LYN: variants seen among roughly 807,000 people sequenced by gnomAD.
The protein encoded by LYN is LYN proto-oncogene, Src family tyrosine kinase, also known as tyrosine-protein kinase Lyn.
In LYN, 12 loss-of-function variants were observed where a neutral mutation model predicts 65.0. That is an observed-to-expected ratio of 0.18 (90% CI 0.12 to 0.30). The LOEUF (loss-of-function observed/expected upper bound fraction) is 0.30, where lower values mean the gene tolerates loss of function less well. LYN is among the 10% of genes least tolerant of loss of function. The pLI is 1.00. For synonymous variants in LYN, 222 were observed against 221.2 expected (o/e 1.00, Z -0.03); for missense variants, 380 against 623.2 (o/e 0.61, Z 4.16).
intron 1 of LYN, among the ~76,000 whole-genome samples, chr8:55,937,581 G>T (rs1318304431): frequency 6.6e-6 from 1 of 152,168 alleles, no homozygotes; most frequent in Non-Finnish European, 1.5e-5. Flanking sequence ...ATTTCAAGAA[G>T]TGGAATTCCA....
intron 1 of LYN, among the ~76,000 whole-genome samples, chr8:55,939,363 G>A (rs1214706583): frequency 1.3e-5 from 2 of 152,134 alleles, no homozygotes; most frequent in Admixed American, 6.5e-5. Context: ...AAGAAATTAA[G>A]CATAAATAAA....
At chr8:55,941,295 T>TC (rs1221885006) in intron 1 of LYN, among the ~76,000 whole-genome samples, 1 of 152,162 alleles carries the variant, frequency 6.6e-6, no homozygotes, top group East Asian at 1.9e-4. Context: ...CTCCTGACCT[T>TC]CCCTACCTGC....
At chr8:55,997,590 C>T (rs555000842) in intron 10 of LYN, among the ~76,000 whole-genome samples, 1 of 152,270 alleles carries the variant, frequency 6.6e-6, no homozygotes, top group Admixed American at 6.5e-5. Context: ...TAATCACCTG[C>T]CAAGGCCCTG....
At chr8:55,981,085 A>T (rs776381414) in intron 10 of LYN, among the ~76,000 whole-genome samples, 4 of 151,798 alleles carry the variant, frequency 2.6e-5, no homozygotes, top group African/African-American at 4.8e-5. Flanking sequence ...CATGTGACTG[A>T]TTCCTCAGCA....
intron 1 of LYN, among the ~76,000 whole-genome samples, chr8:55,934,802 C>T (rs1256925522): frequency 1.3e-5 from 2 of 152,222 alleles, no homozygotes; most frequent in Non-Finnish European, 2.9e-5. Flanking sequence ...CCAATTGACC[C>T]TCAATAGTCA....
At chr8:55,952,630 T>C (rs1323237977) in intron 7 of LYN, among the ~76,000 whole-genome samples, 2 of 152,208 alleles carry the variant, frequency 1.3e-5, no homozygotes, top group African/African-American at 4.8e-5. Flanking sequence ...ATTTGATCCT[T>C]GTGAATAATT....
intron 8 of LYN, among the ~76,000 whole-genome samples, chr8:55,955,681 T>G (rs10104302): frequency 0.24 from 36,526 of 152,094 alleles, 4,496 homozygotes; most frequent in Middle Eastern, 0.31. Context: ...CAATCACTCT[T>G]CATTCGCCCC....
intron 10 of LYN, among the ~76,000 whole-genome samples, chr8:55,978,084 G>A (rs1310405312): frequency 6.6e-6 from 1 of 152,158 alleles, no homozygotes; most frequent in East Asian, 1.9e-4. Context: ...CCCAAGTCTG[G>A]AGATACTTAA....
At chr8:55,964,200 T>A (rs1807377346) in intron 8 of LYN, among the ~76,000 whole-genome samples, 1 of 152,146 alleles carries the variant, frequency 6.6e-6, no homozygotes, top group Non-Finnish European at 1.5e-5. Flanking sequence ...CTAACACTTA[T>A]CTTGTACTGC....
chr8:55,901,361 T>G (rs1301549534), intron 1 of LYN, among the ~76,000 whole-genome samples: 2 of 152,226 alleles, frequency 1.3e-5, no homozygotes, highest in African/African-American at 4.8e-5. Context: ...TCTTGTCTGA[T>G]GAAGTCAGTG....
rs1229690346 is a variant in LYN, at chr8:56,013,652, A to G, written c.*3542A>G. On this transcript the variant is annotated 3_prime_UTR_variant, in exon 13 of 13. Coordinates refer to ENST00000519728, the MANE Select transcript of LYN (RefSeq NM_002350.4). ...GCTGCTAAAAGGACTCAATTCTGCA[A>G]CCTCAGCTTCTGACACCTTCAAATA... is the stretch of plus-strand genomic sequence containing the variant. 1 of 152,148 alleles carries G rather than the reference A, an allele frequency of 6.6e-6. No individual in the cohort carries two copies. Among genetic ancestry groups the G allele is most frequent in the Non-Finnish European group, 1.5e-5 (1 of 68,056 alleles). 9.4% of individuals were successfully genotyped at this position (152,148 alleles called of 1,614,324 possible). A position where few individuals can be genotyped will look rare whatever the true frequency, so the allele number is the denominator to read the frequency against.
At chr8:55,919,938 G>A (rs542814977) in intron 1 of LYN, among the ~76,000 whole-genome samples, 4 of 152,230 alleles carry the variant, frequency 2.6e-5, no homozygotes, top group South Asian at 2.1e-4. Context: ...GCTTTGTCAC[G>A]TGACCCCACT....
At chr8:55,893,604 G>T (rs1351929565) in intron 1 of LYN, 9 of 152,166 alleles carry the variant, frequency 5.9e-5, no homozygotes, top group Non-Finnish European at 1.3e-4. Context: ...AATCCATGAA[G>T]TCATGCTTCA....
intron 10 of LYN, among the ~76,000 whole-genome samples, chr8:55,982,037 G>A (rs569388711): frequency 4.6e-5 from 7 of 152,200 alleles, no homozygotes; most frequent in Non-Finnish European, 8.8e-5. Flanking sequence ...CTCCCTGGGC[G>A]CTGAACAGAG....
chr8:55,921,306 T>TAA (rs1377565507), intron 1 of LYN, among the ~76,000 whole-genome samples: 4 of 152,210 alleles, frequency 2.6e-5, no homozygotes, highest in Non-Finnish European at 1.5e-5. Context: ...CCACTGTGTA[T>TAA]GTTTTATTGA....
intron 4 of LYN, 32 bp downstream of exon 4, chr8:55,947,755 GT>G (rs869203813): frequency 1.2e-5 from 18 of 1,445,018 alleles, no homozygotes; most frequent in Non-Finnish European, 1.7e-5. Context: ...ACGGCTGCTC[GT>G]TTCCTCAGGC....
intron 10 of LYN, among the ~76,000 whole-genome samples, chr8:55,994,557 C>T (rs913407020): frequency 3.9e-5 from 6 of 152,142 alleles, no homozygotes; most frequent in African/African-American, 1.2e-4. Flanking sequence ...TTGATCATCA[C>T]GTGTGTCCTT....
At chr8:55,908,396 C>T (rs1337604706) in intron 1 of LYN, among the ~76,000 whole-genome samples, 1 of 151,854 alleles carries the variant, frequency 6.6e-6, no homozygotes, top group Admixed American at 6.6e-5. Flanking sequence ...AGGCACCCCC[C>T]ACCGCGACCT....
At chr8:55,988,913 C>G (rs576935366) in intron 10 of LYN, among the ~76,000 whole-genome samples, 1 of 152,070 alleles carries the variant, frequency 6.6e-6, no homozygotes, top group South Asian at 2.1e-4. Context: ...AAAAACTCAC[C>G]GAGCAAGATA....
Sources: gnomAD v4.1 joint callset for allele counts (sites outside exome capture counted in the v4.1 genomes callset) on GRCh38, gnomAD v4.1.1 for gene constraint, MANE v1.5 for transcripts, NCBI Gene and HGNC (gene_info 2026-07-23, HGNC 2026-07-21) for gene names.